IL1RAPL2: variants seen among roughly 807,000 people sequenced by gnomAD.
The protein encoded by IL1RAPL2 is interleukin 1 receptor accessory protein like 2.
Under a neutral mutation model 44.1 loss-of-function variants are expected in IL1RAPL2, and 3 were observed. The ratio of observed to expected loss-of-function variants is 0.07; its 90% confidence interval spans 0.03 to 0.18. IL1RAPL2 has a LOEUF of 0.18. Ranked by LOEUF, IL1RAPL2 falls within the 10% of genes least tolerant of loss-of-function variation. The pLI is 1.00. For synonymous variants in IL1RAPL2, 181 were observed against 178.8 expected (o/e 1.01, Z -0.10); for missense variants, 391 against 496.4 (o/e 0.79, Z 2.02).
At chrX:104,921,714 C>T (rs919691441) in intron 2 of IL1RAPL2, among the ~76,000 whole-genome samples, 1 of 112,842 alleles carries the variant, frequency 8.9e-6, no homozygotes, top group Non-Finnish European at 1.9e-5. Context: ...TGGGAACTCC[C>T]TTCAGGAGAC....
intron 2 of IL1RAPL2, among the ~76,000 whole-genome samples, chrX:104,947,974 G>A (rs1410105744): frequency 1.8e-5 from 2 of 111,466 alleles, no homozygotes; most frequent in Non-Finnish European, 3.8e-5. Context: ...GTAGCTTGAT[G>A]GGGATGGCAT....
intron 2 of IL1RAPL2, among the ~76,000 whole-genome samples, chrX:104,695,349 AAGAGAGAG>A (rs200451049): frequency 9.4e-6 from 1 of 105,998 alleles, no homozygotes; most frequent in African/African-American, 3.4e-5. Context: ...GAGAGAGAGA[AAGAGAGAG>A]AGAGAGAGAG....
intron 5 of IL1RAPL2, among the ~76,000 whole-genome samples, chrX:105,352,933 T>G (rs1432140839): frequency 3.6e-5 from 4 of 109,744 alleles, no homozygotes; most frequent in South Asian, 4.0e-4. Flanking sequence ...CTCTTTAGTT[T>G]AATTAGATCC....
intron 10 of IL1RAPL2, among the ~76,000 whole-genome samples, chrX:105,761,487 C>T (rs2038688062): frequency 9.0e-6 from 1 of 111,560 alleles, no homozygotes; most frequent in African/African-American, 3.3e-5. Context: ...CTAGTTATAG[C>T]AAATGTGTGA....
intron 2 of IL1RAPL2, among the ~76,000 whole-genome samples, chrX:104,683,355 A>C (rs960346384): frequency 1.8e-5 from 2 of 111,470 alleles, no homozygotes; most frequent in African/African-American, 6.5e-5. Context: ...CTCATGAAAA[A>C]AATAATGAGG....
chrX:105,695,288 G>T (rs1470815572), intron 6 of IL1RAPL2, among the ~76,000 whole-genome samples: 1 of 111,914 alleles, frequency 8.9e-6, no homozygotes, highest in Non-Finnish European at 1.9e-5. Context: ...GCAACAAAAA[G>T]AGGTATCGTA....
chrX:104,745,426 G>A (rs1380655781), intron 2 of IL1RAPL2, among the ~76,000 whole-genome samples: 1 of 111,973 alleles, frequency 8.9e-6, no homozygotes, highest in Admixed American at 9.5e-5. Context: ...TTTTCATTAA[G>A]CAGTGATTTG....
chrX:105,129,586 G>A (rs73529905), intron 2 of IL1RAPL2, among the ~76,000 whole-genome samples: 8,222 of 110,197 alleles, frequency 0.075, 794 homozygotes, highest in African/African-American at 0.26. Context: ...TTAGATCGGG[G>A]GTCATTCCTA....
intron 6 of IL1RAPL2, among the ~76,000 whole-genome samples, chrX:105,633,326 A>G (rs2037503456): frequency 8.9e-6 from 1 of 112,001 alleles, no homozygotes; most frequent in Non-Finnish European, 1.9e-5. Flanking sequence ...GTGATTTTTG[A>G]TAATCGTTCT....
At chrX:105,346,199 A>C (rs1023866487) in intron 5 of IL1RAPL2, among the ~76,000 whole-genome samples, 1 of 112,127 alleles carries the variant, frequency 8.9e-6, no homozygotes, top group African/African-American at 3.2e-5. Flanking sequence ...CTCTGATTGT[A>C]TTAGGAAATG....
intron 5 of IL1RAPL2, among the ~76,000 whole-genome samples, chrX:105,386,957 C>T (rs781096337): frequency 3.4e-4 from 38 of 111,465 alleles, no homozygotes; most frequent in Non-Finnish European, 4.5e-4. Flanking sequence ...CAGGATGAAC[C>T]ACATGATCTC....
chrX:105,543,626 A>G (rs1293308389), intron 6 of IL1RAPL2, among the ~76,000 whole-genome samples: 2 of 112,480 alleles, frequency 1.8e-5, no homozygotes, highest in Non-Finnish European at 3.7e-5. Flanking sequence ...CAGTGACAGA[A>G]CACCTACTGT....
intron 1 of IL1RAPL2, among the ~76,000 whole-genome samples, chrX:104,641,790 C>T (rs1242360524): frequency 3.6e-5 from 4 of 111,966 alleles, no homozygotes; most frequent in Non-Finnish European, 7.5e-5. Flanking sequence ...TCCTCAGTCA[C>T]AGCACTGACA....
chrX:105,407,580 A>G (rs760469302), intron 5 of IL1RAPL2, among the ~76,000 whole-genome samples: 4 of 111,715 alleles, frequency 3.6e-5, no homozygotes, highest in Non-Finnish European at 3.8e-5. Context: ...CCATATGAAT[A>G]TGGTGAGATT....
chrX:104,951,611 C>T (rs970087342), intron 2 of IL1RAPL2, among the ~76,000 whole-genome samples: 3 of 112,754 alleles, frequency 2.7e-5, no homozygotes, highest in African/African-American at 9.7e-5. Flanking sequence ...ATTCAACAAA[C>T]ATTTACTCTG....
chrX:104,621,768 AAG>A (rs1929405913), intron 1 of IL1RAPL2, among the ~76,000 whole-genome samples: 1 of 111,801 alleles, frequency 8.9e-6, no homozygotes, highest in Non-Finnish European at 1.9e-5. Context: ...GAGAGAAATG[AAG>A]AGAGAGGAAA....
chrX:105,095,135 T>C (rs1210548737), intron 2 of IL1RAPL2, among the ~76,000 whole-genome samples: 6 of 111,667 alleles, frequency 5.4e-5, no homozygotes, highest in Non-Finnish European at 9.4e-5. Context: ...TTTTTTCCAA[T>C]ATGGATCATT....
chrX:105,686,009 A>AT lies in IL1RAPL2; in HGVS notation c.773-31354dup, dbSNP rs1019678287. 8.1e-5 allele frequency among the ~76,000 whole-genome samples: 9 copies of AT among 111,636 alleles called. No homozygotes were observed. In the Admixed American group the frequency reaches 8.6e-4, roughly 11 times the overall value. On this transcript the variant is annotated intron_variant, in intron 6 of 10. Transcript: ENST00000372582. ...TTTACAGACAAGCAAATGCTGAGAG[A>AT]TTTTGTCACCACCAGGCCTGCCTTA...
chrX:105,383,963 G>GT (rs949626535), intron 5 of IL1RAPL2, among the ~76,000 whole-genome samples: 3 of 111,234 alleles, frequency 2.7e-5, no homozygotes, highest in Non-Finnish European at 5.7e-5. Flanking sequence ...GATTATTTGT[G>GT]TTTTTTGCTA....
Sources: gnomAD v4.1 joint callset for allele counts (sites outside exome capture counted in the v4.1 genomes callset) on GRCh38, gnomAD v4.1.1 for gene constraint, MANE v1.5 for transcripts, NCBI Gene and HGNC (gene_info 2026-07-23, HGNC 2026-07-21) for gene names.